The following LIN9 variants were observed in gnomAD, a reference collection of about 807,000 sequenced individuals.
The protein encoded by LIN9 is lin-9 DREAM MuvB core complex component.
Under a neutral mutation model 78.0 loss-of-function variants are expected in LIN9, and 18 were observed. That is an observed-to-expected ratio of 0.23 (90% CI 0.16 to 0.34). The LOEUF (loss-of-function observed/expected upper bound fraction) is 0.34. LIN9 is among the 10% of genes least tolerant of loss of function. The pLI is 1.00. For missense variants in LIN9, 451 were observed against 644.1 expected (o/e 0.70, Z 3.25); for synonymous variants, 192 against 215.2 (o/e 0.89, Z 0.94).
chr1:226,295,980 C>A, intron 3 of LIN9, 34 bp from the exon 4 acceptor site: 1 of 1,413,052 alleles, frequency 7.1e-7, no homozygotes, highest in Non-Finnish European at 9.9e-7. Flanking sequence ...AATGAAAAAG[C>A]CGAACCCTCC....
chr1:226,300,074 G>T (rs1351450261), intron 2 of LIN9, among the ~76,000 whole-genome samples: 1 of 151,960 alleles, frequency 6.6e-6, no homozygotes, highest in African/African-American at 2.4e-5. Context: ...AAGTAGCTGG[G>T]ATTATAGGCA....
intron 7 of LIN9, among the ~76,000 whole-genome samples, chr1:226,269,748 T>C (rs1007438742): frequency 3.9e-5 from 6 of 152,096 alleles, no homozygotes; most frequent in South Asian, 2.1e-4. Context: ...TGGGTTACTA[T>C]GCAAATGGAG....
intron 6 of LIN9, among the ~76,000 whole-genome samples, chr1:226,278,619 T>A (rs1576330015): frequency 3.7e-5 from 5 of 134,672 alleles, no homozygotes; most frequent in African/African-American, 2.8e-5. Context: ...AGGTCAGGAG[T>A]TCGAGACTAA....
intron 6 of LIN9, among the ~76,000 whole-genome samples, chr1:226,285,024 C>T (rs555413497): frequency 4.5e-4 from 69 of 152,162 alleles, no homozygotes; most frequent in Admixed American, 1.0e-3. Flanking sequence ...AAAAACTACA[C>T]ATTTTATTGA....
chr1:226,244,106 C>T (rs1327202131), intron 11 of LIN9, among the ~76,000 whole-genome samples: 3 of 149,998 alleles, frequency 2.0e-5, no homozygotes, highest in Non-Finnish European at 4.4e-5. Context: ...GAACTCCTGA[C>T]CTCAAGTGAT....
intron 10 of LIN9, among the ~76,000 whole-genome samples, chr1:226,258,154 C>T (rs1359800421): frequency 1.3e-5 from 2 of 150,842 alleles, no homozygotes; most frequent in Non-Finnish European, 2.9e-5. Flanking sequence ...GCCTAGGCTA[C>T]AGAGGGAGAC....
At chr1:226,297,182 T>A (rs1010693454) in intron 3 of LIN9, among the ~76,000 whole-genome samples, 1 of 152,114 alleles carries the variant, frequency 6.6e-6, no homozygotes, top group Non-Finnish European at 1.5e-5. Context: ...CCCAGGCTAC[T>A]GTGACTGCTG....
chr1:226,289,854 GGT>G (rs1558198208), intron 4 of LIN9, among the ~76,000 whole-genome samples: 11 of 73,464 alleles, frequency 1.5e-4, no homozygotes, highest in Admixed American at 9.2e-4. Context: ...GGTGGGGGGG[GGT>G]GGGAAAGCTA....
chr1:226,278,834 A>C (rs900640389), intron 6 of LIN9, among the ~76,000 whole-genome samples: 3 of 136,290 alleles, frequency 2.2e-5, no homozygotes, highest in Non-Finnish European at 4.7e-5. Flanking sequence ...AAAAAAAAAA[A>C]AGAAAGGCCG....
At chr1:226,241,629 C>T (rs566762014) in intron 11 of LIN9, among the ~76,000 whole-genome samples, 10 of 152,134 alleles carry the variant, frequency 6.6e-5, no homozygotes, top group Admixed American at 4.6e-4. Context: ...GAGGCTGAGG[C>T]GGGTGGATCA....
chr1:226,233,552 G>C, intron 12 of LIN9, 29 bp from the exon 13 acceptor site: 10 of 1,535,564 alleles, frequency 6.5e-6, no homozygotes, highest in Non-Finnish European at 8.8e-6. Context: ...AGCATGAGAC[G>C]CATGTTCGAG....
chr1:226,274,067 A>C (rs1343602048), intron 7 of LIN9, among the ~76,000 whole-genome samples: 1 of 152,124 alleles, frequency 6.6e-6, no homozygotes, highest in Non-Finnish European at 1.5e-5. Flanking sequence ...TCCTGGCCTC[A>C]AGTGATCCAC....
At chr1:226,273,475 G>A (rs886732697) in intron 7 of LIN9, among the ~76,000 whole-genome samples, 3 of 151,678 alleles carry the variant, frequency 2.0e-5, no homozygotes, top group Non-Finnish European at 4.4e-5. Flanking sequence ...AAACTCCTGG[G>A]CTCAGGTGAG....
chr1:226,276,465 TAC>T (rs909208133), intron 7 of LIN9, among the ~76,000 whole-genome samples: 23 of 152,216 alleles, frequency 1.5e-4, no homozygotes, highest in African/African-American at 5.5e-4. Context: ...GTTGTCAATA[TAC>T]ACTCATTTAT....
At chr1:226,294,545 T>C (rs1362683356) in intron 4 of LIN9, among the ~76,000 whole-genome samples, 1 of 148,952 alleles carries the variant, frequency 6.7e-6, no homozygotes, top group Admixed American at 6.8e-5. Context: ...GCACTCCACC[T>C]GGGCAACAAG....
At chr1:226,238,632 A>AAAAT (rs1403613144) in intron 12 of LIN9, among the ~76,000 whole-genome samples, 1 of 152,074 alleles carries the variant, frequency 6.6e-6, no homozygotes, top group Non-Finnish European at 1.5e-5. Flanking sequence ...TGTCTCAAAA[A>AAAAT]AAATAAATAA....
At chr1:226,297,837 T>C (rs1662252145) in intron 2 of LIN9, 24 bp from the exon 3 acceptor site, 3 of 1,408,070 alleles carry the variant, frequency 2.1e-6, no homozygotes, top group Non-Finnish European at 1.9e-6. Context: ...TTAATACTAA[T>C]GGAATTTTGG....
At chr1:226,273,608 TTTC>T (rs943982437) in intron 7 of LIN9, among the ~76,000 whole-genome samples, 22 of 152,228 alleles carry the variant, frequency 1.4e-4, no homozygotes, top group South Asian at 4.1e-4. Context: ...TTGCATTTGT[TTTC>T]TTCTTCTTCT....
intron 10 of LIN9, among the ~76,000 whole-genome samples, chr1:226,264,241 G>A (rs1659777147): frequency 6.6e-6 from 1 of 152,042 alleles, no homozygotes; most frequent in African/African-American, 2.4e-5. Flanking sequence ...TTAGCTGGGT[G>A]TGGTGGCGTG....
Sources: gnomAD v4.1 joint callset for allele counts (sites outside exome capture counted in the v4.1 genomes callset) on GRCh38, gnomAD v4.1.1 for gene constraint, MANE v1.5 for transcripts, NCBI Gene and HGNC (gene_info 2026-07-23, HGNC 2026-07-21) for gene names.